INPP4B: variants seen among roughly 807,000 people sequenced by gnomAD.
The protein encoded by INPP4B is inositol polyphosphate-4-phosphatase type II B.
A neutral mutation model predicts 122.5 loss-of-function variants in INPP4B; 55 were observed. The ratio of observed to expected loss-of-function variants is 0.45; its 90% CI spans 0.36 to 0.56. INPP4B has a LOEUF of 0.56. Ranked by LOEUF, INPP4B falls within the 20% of genes least tolerant of loss-of-function variation. The probability of loss-of-function intolerance (pLI) is 0.00; values close to 1 mark genes in which losing one functional copy is unlikely to be tolerated. For missense variants in INPP4B, 1,000 were observed against 1,097.7 expected (o/e 0.91, Z 1.26); for synonymous variants, 403 against 388.7 (o/e 1.04, Z -0.43).
At chr4:142,662,128 G>A (rs1301725444) in intron 2 of INPP4B, among the ~76,000 whole-genome samples, 3 of 152,058 alleles carry the variant, frequency 2.0e-5, no homozygotes, top group African/African-American at 4.8e-5. Context: ...CCAGCTACTC[G>A]GGAGGCTGAG....
chr4:142,691,640 T>C (rs1450084816), intron 2 of INPP4B, among the ~76,000 whole-genome samples: 2 of 152,122 alleles, frequency 1.3e-5, no homozygotes, highest in African/African-American at 4.8e-5. Context: ...ATTGACTCTC[T>C]GATCACTGAG....
intron 2 of INPP4B, among the ~76,000 whole-genome samples, chr4:142,464,296 A>G (rs1426904880): frequency 6.6e-6 from 1 of 152,142 alleles, no homozygotes; most frequent in Non-Finnish European, 1.5e-5. Flanking sequence ...TTATAAAATG[A>G]TTTCATATTA....
intron 20 of INPP4B, 94 bp downstream of exon 20, chr4:142,123,198 G>GT (rs1468280168): frequency 9.4e-7 from 1 of 1,059,606 alleles, no homozygotes; most frequent in Non-Finnish European, 1.3e-6. Flanking sequence ...CACAATAAAG[G>GT]TTTACTTATT....
chr4:142,508,883 C>T (rs1388811374), intron 2 of INPP4B, among the ~76,000 whole-genome samples: 1 of 152,076 alleles, frequency 6.6e-6, no homozygotes, highest in Non-Finnish European at 1.5e-5. Flanking sequence ...CAGGGCAGCC[C>T]CTCACTATGA....
intron 21 of INPP4B, among the ~76,000 whole-genome samples, chr4:142,119,200 A>C (rs1254394292): frequency 2.6e-5 from 4 of 152,148 alleles, no homozygotes; most frequent in Non-Finnish European, 5.9e-5. Flanking sequence ...TGTTGGTGGG[A>C]CTGTAAACTA....
rs149812117 is a variant in INPP4B, at chr4:142,080,828, G to T, written c.2642+1203C>A. On this transcript the variant is annotated intron_variant, in intron 25 of 25. Transcript: ENST00000262992. Reference sequence around the variant, plus strand: ...ACCAAGCACCTTTGTTCCATCTATAGTGACATTTCTGTTCTTTTTCTGCAG... The same window carrying T: ...ACCAAGCACCTTTGTTCCATCTATATTGACATTTCTGTTCTTTTTCTGCAG... Among the ~76,000 whole-genome samples the T allele has an allele frequency of 7.2e-5, 11 of 152,180 alleles. No homozygotes were observed. In the East Asian group the frequency reaches 2.1e-3, roughly 29 times the overall value.
chr4:142,787,670 T>C lies in INPP4B; in HGVS notation c.-254+58539A>G, dbSNP rs80302512. Among the ~76,000 whole-genome samples, 442 of 152,052 alleles carry C rather than the reference T, an allele frequency of 2.9e-3. 10 individuals are homozygous for C. In the East Asian group the frequency reaches 0.039, roughly 13 times the overall value. ...GGAATTACAATGGTTAATTACAAAT[T>C]TATATCCAAATTCTGCTTTGGGTAA... On this transcript the variant is annotated intron_variant, in intron 1 of 25. Transcript: ENST00000262992.
At chr4:142,582,768 G>T (rs1464731832) in intron 2 of INPP4B, among the ~76,000 whole-genome samples, 1 of 152,126 alleles carries the variant, frequency 6.6e-6, no homozygotes, top group Non-Finnish European at 1.5e-5. Flanking sequence ...CACACTTGCT[G>T]ATCTGTGGCT....
chr4:142,826,129 A>G (rs1781427146), intron 1 of INPP4B, among the ~76,000 whole-genome samples: 1 of 152,162 alleles, frequency 6.6e-6, no homozygotes, highest in Non-Finnish European at 1.5e-5. Context: ...TCCATGAAAT[A>G]TATACATATA....
chr4:142,488,539 C>T (rs575121367), intron 2 of INPP4B, among the ~76,000 whole-genome samples: 3 of 152,084 alleles, frequency 2.0e-5, no homozygotes, highest in South Asian at 4.2e-4. Context: ...GTTTTGAATT[C>T]CAAATGTAAT....
Position 142,818,641 on chromosome 4 carries a change from G to A in INPP4B, c.-254+27568C>T, listed in dbSNP as rs376651650. Among the ~76,000 whole-genome samples the A allele has an allele frequency of 2.9e-3, 440 of 152,114 alleles. 2 individuals are homozygous for A. Among genetic ancestry groups the A allele is most frequent in the South Asian group, 4.8e-3 (23 of 4,822 alleles). On this transcript the variant is annotated intron_variant, in intron 1 of 25. Transcript: ENST00000262992. ...TTTTTGTGGCTAGTTGAGCTCCTGG[G>A]ATCACCTCCTGCCCCGATCCGTGTA... is the stretch of plus-strand genomic sequence containing the variant.
At chr4:142,693,575 T>G (rs1285800580) in intron 2 of INPP4B, among the ~76,000 whole-genome samples, 1 of 140,094 alleles carries the variant, frequency 7.1e-6, no homozygotes, top group Non-Finnish European at 1.5e-5. Context: ...TAAGGGTGTC[T>G]GCTTGCATAC....
rs1480699736 is a variant in INPP4B, at chr4:142,690,710, G to A, written c.-191+35129C>T. Among the ~76,000 whole-genome samples the A allele has an allele frequency of 5.3e-5, 8 of 152,200 alleles. No homozygotes were observed. In the South Asian group the frequency reaches 6.2e-4, roughly 12 times the overall value. ...CTCCTGCAAGAGAACCTCCCCTGGC[G>A]CCTTCAACTTTCATTAGACTTTTTA... On this transcript the variant is annotated intron_variant, in intron 2 of 25. Transcript: ENST00000262992.
chr4:142,156,094 C>T (rs1461673703), intron 17 of INPP4B, among the ~76,000 whole-genome samples: 2 of 151,488 alleles, frequency 1.3e-5, no homozygotes, highest in Non-Finnish European at 2.9e-5. Context: ...AATTTGGATG[C>T]TGAAATGCCG....
chr4:142,599,791 C>T (rs776059578), intron 2 of INPP4B, among the ~76,000 whole-genome samples: 11 of 151,372 alleles, frequency 7.3e-5, no homozygotes, highest in Non-Finnish European at 1.5e-4. Flanking sequence ...CAGAAAAAAA[C>T]AATTTATACT....
chr4:142,361,522 G>T (rs943888475), intron 7 of INPP4B, among the ~76,000 whole-genome samples: 1 of 151,916 alleles, frequency 6.6e-6, no homozygotes, highest in Non-Finnish European at 1.5e-5. Flanking sequence ...TTCAGCCAAT[G>T]ATGTGTAAGT....
In INPP4B at chr4:142,149,800, T is replaced by G. The variant is rs1299351044; in HGVS notation, c.1564-3804A>C. On this transcript the variant is annotated intron_variant, in intron 17 of 25. Transcript: ENST00000262992. ...CACTTGGTTAAAGGGTCATTCACTT[T>G]GGCACAAAGGACATAAGTGACCTGC... Among the ~76,000 whole-genome samples, 6 of 152,198 alleles carry G rather than the reference T, an allele frequency of 3.9e-5. 1 individual carries two copies. Among genetic ancestry groups the G allele is most frequent in the Non-Finnish European group, 2.9e-5 (2 of 68,032 alleles).
At chr4:142,619,194 T>A (rs1392466279) in intron 2 of INPP4B, among the ~76,000 whole-genome samples, 1 of 151,624 alleles carries the variant, frequency 6.6e-6, no homozygotes, top group Non-Finnish European at 1.5e-5. Context: ...AAAAAAAAAA[T>A]TAAAAATAGA....
At chr4:142,705,483 A>ACACC (rs2150774601) in intron 2 of INPP4B, among the ~76,000 whole-genome samples, 1 of 149,150 alleles carries the variant, frequency 6.7e-6, no homozygotes, top group African/African-American at 2.6e-5. Context: ...ACACACACAC[A>ACACC]CACACACACA....
Sources: allele counts gnomAD v4.1 joint callset (sites outside exome capture counted in the v4.1 genomes callset), GRCh38; gene constraint gnomAD v4.1.1; transcripts MANE v1.5; gene names NCBI Gene and HGNC (gene_info 2026-07-23, HGNC 2026-07-21).